The following ARFIP1 variants were observed in gnomAD, a reference collection of about 807,000 sequenced individuals.
ARFIP1 encodes arfaptin-1.
ARFIP1 carries 24 observed loss-of-function variants against 42.5 expected under a neutral mutation model. The ratio of observed to expected loss-of-function variants is 0.57; its 90% CI spans 0.41 to 0.80. The LOEUF is 0.80. ARFIP1 is among the 30% of genes least tolerant of loss of function. ARFIP1 has a pLI of 0.00. For missense variants in ARFIP1, 354 were observed against 434.0 expected, an observed-to-expected ratio of 0.82 and a Z score of 1.64; for synonymous variants, 141 against 153.7, an observed-to-expected ratio of 0.92 and a Z score of 0.61.
chr4:152,858,593 G>T (rs1276431857), intron 2 of ARFIP1, among the ~76,000 whole-genome samples: 1 of 152,036 alleles, frequency 6.6e-6, no homozygotes, highest in Non-Finnish European at 1.5e-5. Flanking sequence ...TAATCTACAT[G>T]GCATTGAATC....
chr4:152,873,981 A>G (rs1440227615), intron 5 of ARFIP1, among the ~76,000 whole-genome samples: 3 of 152,188 alleles, frequency 2.0e-5, no homozygotes, highest in Admixed American at 1.3e-4. Context: ...CTTTGTTCAT[A>G]AGACTATATC....
intron 1 of ARFIP1, among the ~76,000 whole-genome samples, chr4:152,827,928 C>T (rs1730968708): frequency 6.6e-6 from 1 of 152,186 alleles, no homozygotes; most frequent in Non-Finnish European, 1.5e-5. Context: ...ACTGCCTCAG[C>T]CTCCCAAAAT....
chr4:152,898,675 T>C (rs1292482555), intron 8 of ARFIP1, among the ~76,000 whole-genome samples: 3 of 152,172 alleles, frequency 2.0e-5, no homozygotes, highest in African/African-American at 7.2e-5. Flanking sequence ...CAGAATTTGA[T>C]GAAGAAAAAT....
chr4:152,860,839 G>C (rs1417389637), intron 2 of ARFIP1, among the ~76,000 whole-genome samples: 4 of 152,166 alleles, frequency 2.6e-5, no homozygotes, highest in Non-Finnish European at 4.4e-5. Flanking sequence ...ACTAAGCAAA[G>C]ATACTTATGA....
At chr4:152,801,075 C>T (rs1463618911) in intron 1 of ARFIP1, among the ~76,000 whole-genome samples, 2 of 152,092 alleles carry the variant, frequency 1.3e-5, no homozygotes, top group African/African-American at 4.8e-5. Flanking sequence ...TTTTGAGTGT[C>T]AAGCTGAGGA....
At position 152,910,872 on chromosome 4, in the gene ARFIP1, T is replaced by C. The variant is rs1579064816; in HGVS notation, c.*653T>C. 1 of 152,592 alleles carries C rather than the reference T, an allele frequency of 6.6e-6. No individual in the cohort carries two copies. Among genetic ancestry groups the C allele is most frequent in the East Asian group, 1.9e-4 (1 of 5,188 alleles). The allele number at this position is 152,592 out of a possible 1,614,324, so 9.5% of individuals were successfully genotyped here. ...CATTTCTGTGAGGCTTTTAAGCTTA[T>C]GAATTTGCTTCACCCGAAGTCATTG... On this transcript the variant is annotated 3_prime_UTR_variant, in exon 9 of 9. Coordinates refer to ENST00000353617, the MANE Select transcript of ARFIP1 (RefSeq NM_001025595.3).
At chr4:152,800,744 A>G (rs538091582) in intron 1 of ARFIP1, among the ~76,000 whole-genome samples, 1 of 152,332 alleles carries the variant, frequency 6.6e-6, no homozygotes, top group East Asian at 1.9e-4. Context: ...ACATCTAAAA[A>G]GTGAAACGAG....
chr4:152,795,115 A>T (rs773177679), intron 1 of ARFIP1, among the ~76,000 whole-genome samples: 58 of 152,040 alleles, frequency 3.8e-4, no homozygotes, highest in Non-Finnish European at 5.7e-4. Context: ...TCACCTGCCC[A>T]GGGTAGGTAA....
intron 2 of ARFIP1, among the ~76,000 whole-genome samples, chr4:152,852,590 G>A (rs1014126875): frequency 6.6e-6 from 1 of 151,120 alleles, no homozygotes; most frequent in African/African-American, 2.4e-5. Flanking sequence ...CCAAGATCAC[G>A]CCATTGCACT....
intron 3 of ARFIP1, 74 bp from the exon 4 acceptor site, chr4:152,870,679 T>G: frequency 1.0e-6 from 1 of 974,742 alleles, no homozygotes; most frequent in Non-Finnish European, 1.6e-6. Flanking sequence ...GAAATATCAG[T>G]AACCCTATAT....
intron 2 of ARFIP1, among the ~76,000 whole-genome samples, chr4:152,862,614 C>T (rs1733983232): frequency 6.6e-6 from 1 of 152,132 alleles, no homozygotes; most frequent in Non-Finnish European, 1.5e-5. Flanking sequence ...AAACTACGAT[C>T]AGTCTAAAAA....
At chr4:152,871,164 T>C (rs190014290) in intron 4 of ARFIP1, among the ~76,000 whole-genome samples, 1 of 152,374 alleles carries the variant, frequency 6.6e-6, no homozygotes, top group Admixed American at 6.5e-5. Flanking sequence ...TCCTAAACTC[T>C]CATCTTTGCA....
Position 152,910,225 on chromosome 4 carries a change from CA to C in ARFIP1, c.*7del. 1.9e-6 allele frequency: 3 copies of C among 1,606,566 alleles called. No homozygotes were observed. Among genetic ancestry groups the C allele is most frequent in the Non-Finnish European group, 2.5e-6 (3 of 1,177,626 alleles). On this transcript the variant is annotated 3_prime_UTR_variant, in exon 9 of 9. Transcript: ENST00000353617. ...CTTGGCTTGAAGAACAGTAAAATCA[CA>C]GCGGAAAATAAAAAGAAAGTCGCGT...
chr4:152,795,494 A>G (rs1397648857), intron 1 of ARFIP1, among the ~76,000 whole-genome samples: 4 of 152,154 alleles, frequency 2.6e-5, no homozygotes, highest in Non-Finnish European at 4.4e-5. Context: ...AAAGAATGCT[A>G]GAGTGTGTAT....
chr4:152,899,931 ACAG>A (rs972614378), intron 8 of ARFIP1, among the ~76,000 whole-genome samples: 1 of 152,206 alleles, frequency 6.6e-6, no homozygotes, highest in Non-Finnish European at 1.5e-5. Flanking sequence ...TCAAAGTCTC[ACAG>A]CCAGACTGGG....
intron 1 of ARFIP1, chr4:152,809,791 T>G (rs1266017132): frequency 6.6e-6 from 1 of 152,242 alleles, no homozygotes; most frequent in African/African-American, 2.4e-5. Context: ...CAATGCTAAT[T>G]CTGCTTTTAA....
chr4:152,812,015 C>T (rs910917850), intron 1 of ARFIP1, among the ~76,000 whole-genome samples: 1 of 152,142 alleles, frequency 6.6e-6, no homozygotes, highest in Non-Finnish European at 1.5e-5. Context: ...ACCTACTTTA[C>T]GGCATAAAGT....
intron 8 of ARFIP1, among the ~76,000 whole-genome samples, chr4:152,889,813 A>G (rs1396363766): frequency 9.3e-6 from 1 of 107,112 alleles, no homozygotes; most frequent in East Asian, 2.3e-4. Context: ...TATATACTAT[A>G]TATATACTAT....
At chr4:152,870,107 T>C (rs1351786354) in intron 3 of ARFIP1, among the ~76,000 whole-genome samples, 3 of 152,168 alleles carry the variant, frequency 2.0e-5, no homozygotes, top group South Asian at 2.1e-4. Flanking sequence ...CTTATGAAAA[T>C]GTAGGTTTGG....
Sources: gnomAD v4.1 joint callset for allele counts (sites outside exome capture counted in the v4.1 genomes callset) on GRCh38, gnomAD v4.1.1 for gene constraint, MANE v1.5 for transcripts, NCBI Gene and HGNC (gene_info 2026-07-23, HGNC 2026-07-21) for gene names.